PRELID2: variants seen among roughly 807,000 people sequenced by gnomAD.
The protein encoded by PRELID2 is PRELI domain-containing protein 2.
In PRELID2, 25 loss-of-function variants were observed where a neutral mutation model predicts 28.4. That is an observed-to-expected ratio of 0.88 (90% CI 0.64 to 1.23). The LOEUF (loss-of-function observed/expected upper bound fraction) is 1.23, where lower values mean the gene tolerates loss of function less well. Ranked by LOEUF, PRELID2 falls within the 50% of genes most tolerant of loss-of-function variation. The pLI is 0.00. For synonymous variants in PRELID2, 76 were observed against 71.6 expected, an observed-to-expected ratio of 1.06 and a Z score of -0.31; for missense variants, 201 against 214.4, an observed-to-expected ratio of 0.94 and a Z score of 0.39.
chr5:145,478,034 G>T (rs575951215), intron 1 of PRELID2, among the ~76,000 whole-genome samples: 1 of 152,072 alleles, frequency 6.6e-6, no homozygotes, highest in Non-Finnish European at 1.5e-5. Flanking sequence ...AGACCACTTT[G>T]TCTAATTAAA....
At chr5:145,263,668 T>C in the PRELID2 span, among the ~76,000 whole-genome samples, 1 of 151,834 alleles carries the variant, frequency 6.6e-6, no homozygotes, top group East Asian at 1.9e-4. Context: ...ACCAATACCA[T>C]AGAAATACAA....
At chr5:145,508,930 G>A (rs1752438014) in intron 1 of PRELID2, among the ~76,000 whole-genome samples, 1 of 152,146 alleles carries the variant, frequency 6.6e-6, no homozygotes, top group African/African-American at 2.4e-5. Context: ...GACTCTCCAT[G>A]TTGAAAGTAG....
chr5:145,495,514 C>A (rs544768946), intron 1 of PRELID2, among the ~76,000 whole-genome samples: 1 of 152,244 alleles, frequency 6.6e-6, no homozygotes, highest in Admixed American at 6.5e-5. Context: ...TTTTTGGCTT[C>A]CCTCAAGGAA....
chr5:145,471,962 A>G (rs2910272), exon 3 of PRELID2: 62,949 of 151,912 alleles, frequency 0.41, 13,212 homozygotes, highest in Non-Finnish European at 0.43. Context: ...CAAAGGATCA[A>G]TTCATTTGAG....
At chr5:145,305,283 C>T in the PRELID2 span, among the ~76,000 whole-genome samples, 6 of 152,064 alleles carry the variant, frequency 3.9e-5, no homozygotes, top group Admixed American at 3.9e-4. Context: ...AAAATCAAAC[C>T]AGTTTTCAAT....
At chr5:145,235,583 T>G in the PRELID2 span, among the ~76,000 whole-genome samples, 1 of 152,152 alleles carries the variant, frequency 6.6e-6, no homozygotes, top group Non-Finnish European at 1.5e-5. Flanking sequence ...TGTGCTCTTT[T>G]GCTGAAACAT....
At chr5:145,294,221 A>G in the PRELID2 span, among the ~76,000 whole-genome samples, 1 of 152,150 alleles carries the variant, frequency 6.6e-6, no homozygotes, top group Non-Finnish European at 1.5e-5. Flanking sequence ...GTGCCTCCAT[A>G]AATACATTTC....
At chr5:145,768,545 T>C (rs893204259) in intron 5 of PRELID2, among the ~76,000 whole-genome samples, 1 of 152,188 alleles carries the variant, frequency 6.6e-6, no homozygotes, top group Non-Finnish European at 1.5e-5. Flanking sequence ...ATGTCTTCTT[T>C]CTATTTTCAG....
At chr5:145,666,199 T>C (rs572423671) in intron 1 of PRELID2, among the ~76,000 whole-genome samples, 1 of 152,132 alleles carries the variant, frequency 6.6e-6, no homozygotes, top group South Asian at 2.1e-4. Flanking sequence ...AGCTGCAGGT[T>C]GGCAAAAAGA....
At chr5:145,423,801 G>A in the PRELID2 span, among the ~76,000 whole-genome samples, 1 of 131,870 alleles carries the variant, frequency 7.6e-6, no homozygotes. Context: ...CTTTGGAGGA[G>A]GAGAGGCGCT....
intron 1 of PRELID2, among the ~76,000 whole-genome samples, chr5:145,592,826 T>G (rs988971992): frequency 6.6e-6 from 1 of 152,168 alleles, no homozygotes; most frequent in Non-Finnish European, 1.5e-5. Flanking sequence ...TGAAACATAT[T>G]AAGCTAACTA....
chr5:145,545,649 C>T (rs1039789528), intron 1 of PRELID2, among the ~76,000 whole-genome samples: 2 of 152,062 alleles, frequency 1.3e-5, no homozygotes, highest in East Asian at 1.9e-4. Flanking sequence ...GCCTTGGCCT[C>T]GGTCATGCAA....
chr5:145,758,293 G>C lies in PRELID2; in HGVS notation c.*2243C>G, dbSNP rs1757322485. The stretch of plus-strand genomic sequence containing the variant: ...AGAAATTCAACCTCTCTGTGCCTTG[G>C]TCTATTTCTAATAAAAAAATTCCTG... On this transcript the variant is annotated 3_prime_UTR_variant, in exon 7 of 7. Coordinates refer to ENST00000683046, the MANE Select transcript of PRELID2 (RefSeq NM_205846.3). Among the ~76,000 whole-genome samples the C allele has an allele frequency of 6.6e-6, 1 of 151,882 alleles. No individual in the cohort carries two copies. Among genetic ancestry groups the C allele is most frequent in the South Asian group, 2.1e-4 (1 of 4,810 alleles).
the PRELID2 span, among the ~76,000 whole-genome samples, chr5:145,244,258 A>G: frequency 2.0e-5 from 3 of 152,062 alleles, no homozygotes; most frequent in Admixed American, 6.6e-5. Flanking sequence ...GCTGGCCCCA[A>G]CTTTTTTGTA....
the PRELID2 span, among the ~76,000 whole-genome samples, chr5:145,443,622 T>G: frequency 6.6e-6 from 1 of 152,068 alleles, no homozygotes; most frequent in East Asian, 1.9e-4. Flanking sequence ...AGTTAACAAA[T>G]GCCTATAATG....
chr5:145,514,957 A>G (rs1490932389), intron 1 of PRELID2, among the ~76,000 whole-genome samples: 1 of 152,220 alleles, frequency 6.6e-6, no homozygotes, highest in African/African-American at 2.4e-5. Flanking sequence ...TTTGAAACCA[A>G]TGAGAACAAA....
At chr5:145,630,927 A>C (rs759986655) in intron 1 of PRELID2, among the ~76,000 whole-genome samples, 1 of 152,228 alleles carries the variant, frequency 6.6e-6, no homozygotes, top group East Asian at 1.9e-4. Context: ...ACCTATCTTC[A>C]TTAGATGTTC....
At chr5:145,824,523 A>C (rs1474848612) in intron 1 of PRELID2, among the ~76,000 whole-genome samples, 1 of 151,344 alleles carries the variant, frequency 6.6e-6, no homozygotes, top group Non-Finnish European at 1.5e-5. Flanking sequence ...ACACATTCTT[A>C]AAGATATCTG....
chr5:145,513,968 C>T (rs1049094005), intron 1 of PRELID2, among the ~76,000 whole-genome samples: 2 of 152,092 alleles, frequency 1.3e-5, no homozygotes, highest in African/African-American at 4.8e-5. Context: ...CACCACCAGA[C>T]CTGTCTTACA....
Sources: allele counts gnomAD v4.1 joint callset (sites outside exome capture counted in the v4.1 genomes callset), GRCh38; gene constraint gnomAD v4.1.1; transcripts MANE v1.5; gene names NCBI Gene and HGNC (gene_info 2026-07-23, HGNC 2026-07-21).